Variants in RGS12 observed in about 807,000 individuals in gnomAD.
RGS12 encodes regulator of G protein signaling 12.
A neutral mutation model predicts 120.1 loss-of-function variants in RGS12; 66 were observed. That is an observed-to-expected ratio of 0.55 (90% CI 0.45 to 0.67). The LOEUF (loss-of-function observed/expected upper bound fraction) is 0.67. RGS12 is among the 30% of genes least tolerant of loss of function. RGS12 has a pLI of 0.00. For synonymous variants in RGS12, 827 were observed against 804.7 expected, an observed-to-expected ratio of 1.03 and a Z score of -0.47; for missense variants, 1,859 against 1,957.7, an observed-to-expected ratio of 0.95 and a Z score of 0.95.
intron 1 of RGS12, among the ~76,000 whole-genome samples, chr4:3,315,384 T>G (rs1724671683): frequency 6.6e-6 from 1 of 152,246 alleles, no homozygotes; most frequent in Admixed American, 6.5e-5. Flanking sequence ...ATTGAGTTAA[T>G]ATGACATTTC....
Position 3,317,372 on chromosome 4 carries a change from G to A in RGS12, c.1202G>A (p.Arg401Gln), listed in dbSNP as rs1361532054. 1.4e-5 allele frequency: 23 copies of A among 1,613,952 alleles called. No homozygotes were observed. The highest frequency in any genetic ancestry group is 2.2e-5 in the South Asian group (2 of 91,090). Residue 401 changes from arginine (R) to glutamine (Q), a missense_variant, in exon 2 of 18, where the codon CGG (arginine) becomes CAG (glutamine). Physicochemically the swap from Arg to Gln is conservative, Grantham distance 43 (BLOSUM62 1). Transcript: ENST00000336727. ...ATGGGTGAGCTGATTGAGGGCATGC[G>A]GGCCCGCGCCTTTCTGGACGGGGAC... ...RDMGELIEGM[R>Q]ARAFLDGDAD...
intron 2 of RGS12, among the ~76,000 whole-genome samples, chr4:3,339,947 C>T (rs73795509): frequency 0.011 from 1,652 of 152,336 alleles, 37 homozygotes; most frequent in African/African-American, 0.037. Flanking sequence ...CTTAATCTCA[C>T]AAAGCCATGG....
intron 3 of RGS12, among the ~76,000 whole-genome samples, chr4:3,371,897 C>G (rs1359012206): frequency 6.6e-6 from 1 of 152,136 alleles, no homozygotes; most frequent in Non-Finnish European, 1.5e-5. Context: ...GGGGAGGATG[C>G]CCCCGCCTTT....
chr4:3,369,513 G>GCTT (rs1716745895), intron 3 of RGS12, among the ~76,000 whole-genome samples: 1 of 152,122 alleles, frequency 6.6e-6, no homozygotes, highest in Non-Finnish European at 1.5e-5. Context: ...TAATGGCGAA[G>GCTT]CTTCCCTCAA....
chr4:3,342,801 G>C, intron 2 of RGS12, 136 bp from the exon 3 acceptor site: 2 of 745,926 alleles, frequency 2.7e-6, no homozygotes, highest in Non-Finnish European at 4.6e-6. Context: ...TTTACCCTGG[G>C]ATGACTTTTA....
intron 3 of RGS12, among the ~76,000 whole-genome samples, chr4:3,382,932 ACT>A (rs1718418861): frequency 6.6e-6 from 1 of 151,342 alleles, no homozygotes; most frequent in African/African-American, 2.4e-5. Flanking sequence ...CATGTCTGAG[ACT>A]CTGCTCATTG....
chr4:3,390,652 C>T lies in RGS12; in HGVS notation c.2020+4215C>T, dbSNP rs1176394695. ...GCGGGCCTTTGGAGCTCAGACCTGG[C>T]CATGGCGGAAGATTCGGGCTCCACC... On this transcript the variant is annotated intron_variant, in intron 4 of 17. Coordinates refer to ENST00000336727, the MANE Select transcript of RGS12 (RefSeq NM_001394154.1). This position sits in a 1 kb window ranked among gnomAD's most constrained non-coding sequence, Gnocchi z 4.6. 6.6e-6 allele frequency among the ~76,000 whole-genome samples: 1 copy of T among 152,214 alleles called. No individual in the cohort carries two copies. The highest frequency in any genetic ancestry group is 1.5e-5 in the Non-Finnish European group (1 of 68,038).
At chr4:3,423,027 C>G in intron 12 of RGS12, 49 bp downstream of exon 12, 3 of 1,457,690 alleles carry the variant, frequency 2.1e-6, no homozygotes, top group Non-Finnish European at 2.9e-6. Context: ...GAGCCAACCC[C>G]GTGTGCCCAC....
intron 3 of RGS12, 171 bp from the exon 4 acceptor site, chr4:3,386,245 C>A: frequency 1.5e-6 from 1 of 648,606 alleles, no homozygotes; most frequent in Non-Finnish European, 2.8e-6. Context: ...GAGTGGGAGC[C>A]GTGACTCTTG....
intron 2 of RGS12, among the ~76,000 whole-genome samples, chr4:3,318,273 T>C (rs1724943954): frequency 6.6e-6 from 1 of 152,230 alleles, no homozygotes; most frequent in Non-Finnish European, 1.5e-5. Flanking sequence ...GTTCTGGTTC[T>C]GGCTCTGATG....
chr4:3,293,903 C>T (rs977465690), intron 1 of RGS12, among the ~76,000 whole-genome samples: 3 of 22,360 alleles, frequency 1.3e-4, no homozygotes, highest in Non-Finnish European at 2.2e-4. Flanking sequence ...AGAGGGGACC[C>T]ATAGCTGTGG....
chr4:3,416,730 G>A (rs993669750), intron 7 of RGS12, among the ~76,000 whole-genome samples, 183 bp from the exon 8 acceptor site: 8 of 152,148 alleles, frequency 5.3e-5, no homozygotes, highest in Non-Finnish European at 1.0e-4. Flanking sequence ...AGAAGACTCA[G>A]ATATAGAGGC....
intron 17 of RGS12, chr4:3,431,756 T>C (rs1367495243): frequency 4.1e-6 from 4 of 985,500 alleles, no homozygotes; most frequent in Non-Finnish European, 4.8e-6. Context: ...TGGAGTGTGC[T>C]CAGGGGTGCG....
intron 9 of RGS12, chr4:3,419,221 C>G (rs1722734011): frequency 1.3e-5 from 2 of 151,972 alleles, no homozygotes; most frequent in Admixed American, 6.6e-5. Context: ...ATCCCAGCTA[C>G]TCAGGAGGCT....
rs558044607 is a variant in RGS12, at chr4:3,422,402, C to T, written c.2865C>T (p.Pro955=). 50 of 1,612,424 alleles carry T rather than the reference C, an allele frequency of 3.1e-5. No individual in the cohort carries two copies. The South Asian group carries it at 4.7e-4, about 15-fold the overall frequency. ...DLSEACRTLA[P]EKDKATKHCC... is the part of the protein sequence containing the mutation. ...CGGAGGCCTGCAGGACTTTGGCACC[C>T]GAGAAGGACAAGGCCACCAAGCACT... is the stretch of plus-strand genomic sequence containing the variant. Residue 955 remains proline, a synonymous_variant, in exon 11 of 18, where the codon CCC becomes CCT. Transcript: ENST00000336727.
intron 4 of RGS12, chr4:3,413,020 G>A (rs1224570575): frequency 4.1e-5 from 5 of 121,750 alleles, no homozygotes; most frequent in African/African-American, 6.4e-5. Flanking sequence ...CAGGAGGGAC[G>A]GGGGCGCCCC....
chr4:3,428,573 C>G lies in RGS12; in HGVS notation c.3427C>G (p.Leu1143Val). 1 of 1,590,528 alleles carries G rather than the reference C, an allele frequency of 6.3e-7. No homozygotes were observed. ...NHSATGEERTLGKSNSIKIKG... is the reference protein window; with the variant it reads ...NHSATGEERTVGKSNSIKIKG... Reference sequence around the variant, plus strand: ...TCTAATGCAGGGAGAGGAAAGAACACTAGGCAAGTCTAATTCTATTAAAAT... The same window carrying G: ...TCTAATGCAGGGAGAGGAAAGAACAGTAGGCAAGTCTAATTCTATTAAAAT... The change falls in exon 16 of 18, where the codon CTA becomes GTA. Residue 1143 changes from leucine to valine, a missense_variant. Physicochemically the swap from Leu to Val is conservative, Grantham distance 32. Coordinates refer to ENST00000336727, the MANE Select transcript of RGS12 (RefSeq NM_001394154.1).
chr4:3,309,131 C>CT (rs1724148902), intron 1 of RGS12, among the ~76,000 whole-genome samples: 1 of 80,262 alleles, frequency 1.2e-5, no homozygotes, highest in Non-Finnish European at 2.5e-5. Flanking sequence ...AGCTGGGACT[C>CT]GGGAATGGCA....
In RGS12 at chr4:3,366,033, G is replaced by A. The variant is rs192221274; in HGVS notation, c.1999-20383G>A. Among the ~76,000 whole-genome samples the A allele has an allele frequency of 7.9e-5, 12 of 152,298 alleles. No individual in the cohort carries two copies. Among genetic ancestry groups the A allele is most frequent in the East Asian group, 1.9e-4 (1 of 5,180 alleles). On this transcript the variant is annotated intron_variant, in intron 3 of 17. Coordinates refer to ENST00000336727, the MANE Select transcript of RGS12 (RefSeq NM_001394154.1). The surrounding 1 kb of genome is among the most constrained non-coding windows in gnomAD (Gnocchi z 4.0). ...TGCATGGGGCACCGTTGCGTGGGGC[G>A]TGCTCGAGGTGGAGACGGCTGTGAG...
Sources: gnomAD v4.1 joint callset for allele counts (sites outside exome capture counted in the v4.1 genomes callset) on GRCh38, gnomAD v4.1.1 for gene constraint, Gnocchi (gnomAD v3.1) non-coding constraint, MANE v1.5 for transcripts, NCBI Gene and HGNC (gene_info 2026-07-23, HGNC 2026-07-21) for gene names.